Variants in DMD observed in about 807,000 individuals in gnomAD.
The protein encoded by DMD is dystrophin, also known as mutant dystrophin.
Under a neutral mutation model 330.1 loss-of-function variants are expected in DMD, and 63 were observed. The ratio of observed to expected loss-of-function variants is 0.19; its 90% CI spans 0.16 to 0.24. DMD has a LOEUF of 0.24. DMD is among the 10% of genes least tolerant of loss of function. The pLI is 1.00. For synonymous variants in DMD, 1,223 were observed against 959.8 expected (o/e 1.27, Z -5.07); for missense variants, 3,344 against 2,684.1 (o/e 1.25, Z -5.43).
chrX:31,730,985 C>G (rs1013163186), intron 51 of DMD, among the ~76,000 whole-genome samples: 1 of 111,754 alleles, frequency 8.9e-6, no homozygotes, highest in Non-Finnish European at 1.9e-5. Flanking sequence ...TTTGATCATT[C>G]TGTAGTGTTT....
At chrX:32,350,261 A>G (rs1051269647) in intron 37 of DMD, among the ~76,000 whole-genome samples, 3 of 111,141 alleles carry the variant, frequency 2.7e-5, no homozygotes, top group African/African-American at 9.8e-5. Flanking sequence ...CTACGAATTT[A>G]ACAATTTTTT....
chrX:32,749,993 G>A (rs1242570604), intron 7 of DMD, among the ~76,000 whole-genome samples: 1 of 112,144 alleles, frequency 8.9e-6, no homozygotes, highest in Non-Finnish European at 1.9e-5. Flanking sequence ...TTTGAAATGT[G>A]ATTGTGAGCC....
intron 1 of DMD, among the ~76,000 whole-genome samples, chrX:33,319,990 G>A (rs969188136): frequency 8.9e-6 from 1 of 111,810 alleles, no homozygotes; most frequent in Non-Finnish European, 1.9e-5. Flanking sequence ...TGAGAGGTCA[G>A]TTAGATGACT....
chrX:31,730,771 T>G (rs1378419417), intron 51 of DMD, among the ~76,000 whole-genome samples: 1 of 112,128 alleles, frequency 8.9e-6, no homozygotes, highest in Non-Finnish European at 1.9e-5. Flanking sequence ...TCTCATTTTT[T>G]TCTTATAATA....
intron 2 of DMD, among the ~76,000 whole-genome samples, chrX:33,011,045 C>T (rs2093692554): frequency 9.0e-6 from 1 of 111,596 alleles, no homozygotes; most frequent in African/African-American, 3.2e-5. Flanking sequence ...TATCAAACAA[C>T]TCTACAAAAA....
intron 44 of DMD, among the ~76,000 whole-genome samples, chrX:32,188,858 A>T (rs1412290437): frequency 9.0e-6 from 1 of 110,812 alleles, no homozygotes; most frequent in African/African-American, 3.3e-5. Flanking sequence ...ATTAAATTCA[A>T]ATGTTAACTT....
intron 2 of DMD, among the ~76,000 whole-genome samples, chrX:32,959,746 G>C (rs746658767): frequency 5.4e-5 from 6 of 110,754 alleles, no homozygotes; most frequent in Non-Finnish European, 9.4e-5. Flanking sequence ...CCAAGAACTT[G>C]ATATAAACTT....
chrX:32,632,045 C>T (rs2058766494), intron 11 of DMD, among the ~76,000 whole-genome samples: 1 of 111,828 alleles, frequency 8.9e-6, no homozygotes, highest in Non-Finnish European at 1.9e-5. Flanking sequence ...TTTCTTCTAC[C>T]TATGAGCCCG....
chrX:31,619,518 G>C (rs1603427943), intron 55 of DMD, among the ~76,000 whole-genome samples: 1 of 111,643 alleles, frequency 9.0e-6, no homozygotes, highest in African/African-American at 3.2e-5. Flanking sequence ...CCTTTCACTT[G>C]AAAGCTTTTT....
intron 17 of DMD, among the ~76,000 whole-genome samples, chrX:32,529,068 C>A (rs1276017795): frequency 1.9e-5 from 2 of 106,835 alleles, no homozygotes; most frequent in Non-Finnish European, 3.9e-5. Flanking sequence ...ACTACAGGCG[C>A]CTGCCGCCAC....
At chrX:32,626,854 A>G (rs1485470741) in intron 11 of DMD, among the ~76,000 whole-genome samples, 1 of 105,346 alleles carries the variant, frequency 9.5e-6, no homozygotes, top group African/African-American at 4.0e-5. Flanking sequence ...GAAATCCAAG[A>G]TAGGTTAAAA....
At chrX:32,249,379 C>T (rs750945900) in intron 43 of DMD, among the ~76,000 whole-genome samples, 1 of 111,452 alleles carries the variant, frequency 9.0e-6, no homozygotes, top group East Asian at 2.8e-4. Flanking sequence ...TAAAATGTTC[C>T]TTTGAATCTA....
chrX:32,436,717 C>G (rs1228419696), intron 29 of DMD, among the ~76,000 whole-genome samples: 3 of 110,791 alleles, frequency 2.7e-5, no homozygotes, highest in Non-Finnish European at 5.7e-5. Flanking sequence ...TTTGGGAGGC[C>G]AAGGCAAGTG....
chrX:33,191,878 G>A (rs2050670538), intron 1 of DMD, among the ~76,000 whole-genome samples: 1 of 112,066 alleles, frequency 8.9e-6, no homozygotes, highest in South Asian at 3.7e-4. Context: ...TGAGAGATCA[G>A]CCATGCTAGG....
Position 32,714,743 on chromosome X carries a change from T to TA in DMD, c.650-15451dup, listed in dbSNP as rs755343447. On this transcript the variant is annotated intron_variant, in intron 7 of 78. Coordinates refer to ENST00000357033, the MANE Select transcript of DMD (RefSeq NM_004006.3). ...CTTATATACAACTTTAAACTTCCTA[T>TA]AAAAAAAAGCTTATACTTTCTTGTG... 2.3e-4 allele frequency among the ~76,000 whole-genome samples: 26 copies of TA among 111,323 alleles called. 1 individual carries two copies. The highest frequency in any genetic ancestry group is 1.5e-3 in the South Asian group (4 of 2,676).
intron 42 of DMD, among the ~76,000 whole-genome samples, chrX:32,305,709 CTCA>C (rs1209550413): frequency 9.0e-6 from 1 of 111,050 alleles, no homozygotes; most frequent in African/African-American, 3.3e-5. Context: ...TACAATTGCT[CTCA>C]TCTCATTTAG....
chrX:31,417,691 C>CTT (rs767463746), intron 60 of DMD, among the ~76,000 whole-genome samples: 4 of 99,254 alleles, frequency 4.0e-5, no homozygotes, highest in Non-Finnish European at 4.1e-5. Context: ...ATTATCACTT[C>CTT]TTTTTTTTTT....
At chrX:31,328,487 T>G (rs1289692203) in intron 61 of DMD, among the ~76,000 whole-genome samples, 1 of 110,898 alleles carries the variant, frequency 9.0e-6, no homozygotes, top group South Asian at 3.8e-4. Context: ...ACTGTAAAAC[T>G]CAGAGTTTAG....
intron 41 of DMD, among the ~76,000 whole-genome samples, chrX:32,333,193 C>T (rs1219466968): frequency 1.8e-5 from 2 of 111,771 alleles, no homozygotes; most frequent in Admixed American, 9.5e-5. Flanking sequence ...TTACCATTTT[C>T]TTTGCACATC....
Sources: gnomAD v4.1 joint callset for allele counts (sites outside exome capture counted in the v4.1 genomes callset) on GRCh38, gnomAD v4.1.1 for gene constraint, MANE v1.5 for transcripts, NCBI Gene and HGNC (gene_info 2026-07-23, HGNC 2026-07-21) for gene names.